The following RBMS2 variants were observed in gnomAD, a reference collection of about 807,000 sequenced individuals.
RBMS2 encodes the protein RNA binding motif single stranded interacting protein 2, also known as RNA-binding motif, single-stranded-interacting protein 2.
RBMS2 carries 38 observed loss-of-function variants against 58.4 expected under a neutral mutation model. That is an observed-to-expected ratio of 0.65 (90% CI 0.50 to 0.85). The LOEUF (loss-of-function observed/expected upper bound fraction) is 0.85, where lower values mean the gene tolerates loss of function less well. Among genes scored for constraint, RBMS2 ranks in the 40% least tolerant of loss-of-function variants. The probability of loss-of-function intolerance (pLI) is 0.00; values close to 1 mark genes in which losing one functional copy is unlikely to be tolerated. For missense variants in RBMS2, 367 were observed against 503.7 expected (o/e 0.73, Z 2.60); for synonymous variants, 151 against 180.7 (o/e 0.84, Z 1.32).
At chr12:56,569,339 T>G (rs1264131654) in intron 3 of RBMS2, among the ~76,000 whole-genome samples, 2 of 152,214 alleles carry the variant, frequency 1.3e-5, no homozygotes, top group African/African-American at 4.8e-5. Context: ...TTTCTTCTGC[T>G]TAGCAAAGTC....
At chr12:56,561,546 A>G (rs1257733877) in intron 1 of RBMS2, among the ~76,000 whole-genome samples, 9 of 151,794 alleles carry the variant, frequency 5.9e-5, no homozygotes, top group Non-Finnish European at 1.2e-4. Context: ...TCGCCCTATC[A>G]CCCAGGCTGG....
In RBMS2 at chr12:56,590,478, C is replaced by T. The variant is rs1397466711; in HGVS notation, c.*1345C>T. 6.6e-6 allele frequency: 1 copy of T among 152,326 alleles called. No homozygotes were observed. The highest frequency in any genetic ancestry group is 1.9e-4 in the East Asian group (1 of 5,194). The allele number at this position is 152,326 out of a possible 1,614,324, so 9.4% of individuals were successfully genotyped here. ...ACTGCATAGGATAGTCCCCACTACC[C>T]CCAGCCAAGAATTATCTGACTCCAG... On this transcript the variant is annotated 3_prime_UTR_variant, in exon 14 of 14. Coordinates refer to ENST00000262031, the MANE Select transcript of RBMS2 (RefSeq NM_002898.4).
intron 2 of RBMS2, among the ~76,000 whole-genome samples, chr12:56,564,096 C>T (rs1420802430): frequency 2.6e-5 from 4 of 151,600 alleles, no homozygotes; most frequent in East Asian, 1.9e-4. Flanking sequence ...TATAGGCGCA[C>T]GCCACCACAT....
chr12:56,570,575 T>TTTTA (rs1406236900), intron 4 of RBMS2, among the ~76,000 whole-genome samples: 4 of 152,118 alleles, frequency 2.6e-5, no homozygotes, highest in East Asian at 3.8e-4. Context: ...TTCTATTTTA[T>TTTTA]TTTATTTATT....
intron 9 of RBMS2, among the ~76,000 whole-genome samples, chr12:56,586,405 GC>G (rs1233299194): frequency 6.6e-6 from 1 of 152,014 alleles, no homozygotes; most frequent in Non-Finnish European, 1.5e-5. Flanking sequence ...GGGCAACAGA[GC>G]AAGACTCTGT....
intron 5 of RBMS2, among the ~76,000 whole-genome samples, chr12:56,576,443 T>C (rs559017143): frequency 6.6e-6 from 1 of 152,276 alleles, no homozygotes; most frequent in African/African-American, 2.4e-5. Flanking sequence ...TTAGTAGCCA[T>C]TGTGGCCATC....
chr12:56,540,072 C>CT (rs933050573), intron 1 of RBMS2, among the ~76,000 whole-genome samples: 15 of 151,774 alleles, frequency 9.9e-5, no homozygotes, highest in African/African-American at 2.4e-4. Context: ...TTCTTTTTGT[C>CT]TTTTTTTTGG....
chr12:56,587,078 C>A, intron 10 of RBMS2, 152 bp downstream of exon 10: 1 of 769,248 alleles, frequency 1.3e-6, no homozygotes, highest in Non-Finnish European at 2.1e-6. Flanking sequence ...CCAGCCTGGC[C>A]AACATGACAA....
chr12:56,531,600 G>A (rs1451971966), intron 1 of RBMS2, among the ~76,000 whole-genome samples: 5 of 151,554 alleles, frequency 3.3e-5, no homozygotes, highest in African/African-American at 4.9e-5. Context: ...AGGCTGAGGC[G>A]GGCGGATCAG....
intron 1 of RBMS2, among the ~76,000 whole-genome samples, chr12:56,543,975 C>A (rs1876655225): frequency 6.6e-6 from 1 of 151,110 alleles, no homozygotes; most frequent in South Asian, 2.1e-4. Context: ...GCCATAGAGT[C>A]ACCTTTTAAA....
At chr12:56,569,763 G>A in intron 3 of RBMS2, 136 bp from the exon 4 acceptor site, 1 of 771,832 alleles carries the variant, frequency 1.3e-6, no homozygotes, top group East Asian at 2.6e-5. Flanking sequence ...ATAACTACCT[G>A]AAACCTCTCA....
At chr12:56,552,500 A>C (rs1878449336) in intron 1 of RBMS2, among the ~76,000 whole-genome samples, 1 of 152,174 alleles carries the variant, frequency 6.6e-6, no homozygotes, top group African/African-American at 2.4e-5. Flanking sequence ...TCTCAGAGTG[A>C]GCAGCCACAC....
At chr12:56,567,350 A>C (rs1592446069) in intron 2 of RBMS2, among the ~76,000 whole-genome samples, 1 of 150,520 alleles carries the variant, frequency 6.6e-6, no homozygotes. Context: ...ACACCATTGC[A>C]CTCCAGCCTG....
rs1342267197 is a variant in RBMS2, at chr12:56,589,276, A to G, written c.*143A>G. Reference sequence around the variant, plus strand: ...CTAACACTTAGCCATCGTTTTTCACAGGCCTGGGCCTGGAAAAAGAAATCT... The same window carrying G: ...CTAACACTTAGCCATCGTTTTTCACGGGCCTGGGCCTGGAAAAAGAAATCT... On this transcript the variant is annotated 3_prime_UTR_variant, in exon 14 of 14. Transcript: ENST00000262031. 7.0e-7 allele frequency: 1 copy of G among 1,427,572 alleles called. No individual in the cohort carries two copies. Among genetic ancestry groups the G allele is most frequent in the Admixed American group, 2.1e-5 (1 of 46,850 alleles). The allele number at this position is 1,427,572 out of a possible 1,614,324, so 88.4% of individuals were successfully genotyped here.
intron 1 of RBMS2, among the ~76,000 whole-genome samples, chr12:56,533,126 G>T (rs1328978093): frequency 6.6e-6 from 1 of 151,780 alleles, no homozygotes; most frequent in Non-Finnish European, 1.5e-5. Context: ...GTGGAGACAG[G>T]GTCTCACTCT....
chr12:56,582,036 C>T, intron 8 of RBMS2, 23 bp from the exon 9 acceptor site: 1 of 1,582,662 alleles, frequency 6.3e-7, no homozygotes, highest in African/African-American at 1.3e-5. Flanking sequence ...TGACTCAGTA[C>T]TGATTGAGGT....
At chr12:56,546,029 C>T (rs1228848510) in intron 1 of RBMS2, among the ~76,000 whole-genome samples, 10 of 151,292 alleles carry the variant, frequency 6.6e-5, no homozygotes, top group Admixed American at 1.3e-4. Context: ...CTCTGCCTCC[C>T]GGGTTCAAGT....
chr12:56,587,053 G>GT lies in RBMS2; in HGVS notation c.951+128dup, dbSNP rs1345930930. The GT allele has an allele frequency of 8.3e-6, 8 of 965,874 alleles. No homozygotes were observed. In the East Asian group the frequency reaches 2.0e-4, roughly 25 times the overall value. The allele number at this position is 965,874 out of a possible 1,614,324, so 59.8% of individuals were successfully genotyped here. A position where few individuals can be genotyped will look rare whatever the true frequency, so the allele number is the denominator to read the frequency against. On this transcript the variant is annotated intron_variant, in intron 10 of 13. Transcript: ENST00000262031. ...GGCCAAGGCAGGCAAATCACCTGAGGTCAGGAGTTCGAGACCAGCCTGGCC... is the reference window on the plus strand; with the variant it reads ...GGCCAAGGCAGGCAAATCACCTGAGGTTCAGGAGTTCGAGACCAGCCTGGCC...
chr12:56,586,066 C>T (rs985796282), intron 9 of RBMS2, among the ~76,000 whole-genome samples: 8 of 151,854 alleles, frequency 5.3e-5, no homozygotes, highest in Non-Finnish European at 8.8e-5. Flanking sequence ...CGGTGGCTCA[C>T]GCCTGTAATC....
Sources: gnomAD v4.1 joint callset for allele counts (sites outside exome capture counted in the v4.1 genomes callset) on GRCh38, gnomAD v4.1.1 for gene constraint, MANE v1.5 for transcripts, NCBI Gene and HGNC (gene_info 2026-07-23, HGNC 2026-07-21) for gene names.